AGAP2: variants seen among roughly 807,000 people sequenced by gnomAD.
The protein encoded by AGAP2 is arf-GAP with GTPase, ANK repeat and PH domain-containing protein 2.
Under a neutral mutation model 110.9 loss-of-function variants are expected in AGAP2, and 32 were observed. The ratio of observed to expected loss-of-function variants is 0.29; its 90% CI spans 0.22 to 0.39. The LOEUF is 0.39. Ranked by LOEUF, AGAP2 falls within the 10% of genes least tolerant of loss-of-function variation. AGAP2 has a pLI of 1.00. For synonymous variants in AGAP2, 702 were observed against 713.0 expected (o/e 0.98, Z 0.25); for missense variants, 1,285 against 1,638.5 (o/e 0.78, Z 3.72).
rs767185405 is a variant in AGAP2, at chr12:57,731,848, G to A, written c.1914C>T (p.Ser638=). Residue 638 remains serine, a synonymous_variant, in exon 8 of 19, where the codon TCC becomes TCT. Coordinates refer to ENST00000547588, the MANE Select transcript of AGAP2 (RefSeq NM_001122772.3). ...AAVAGLSTPG[S]LHRAAKRRTS... Reference sequence around the variant, plus strand: ...TCCTGCGCTTGGCTGCCCGGTGCAGGGACCCTGGGGTGCTCAATCCAGCCA... The same window carrying A: ...TCCTGCGCTTGGCTGCCCGGTGCAGAGACCCTGGGGTGCTCAATCCAGCCA... 16 of 1,599,350 alleles carry A rather than the reference G, an allele frequency of 1.0e-5. No homozygotes were observed. The highest frequency in any genetic ancestry group is 1.4e-5 in the Non-Finnish European group (16 of 1,173,346).
chr12:57,728,147 A>G (rs1433524582), intron 14 of AGAP2, 62 bp from the exon 15 acceptor site: 8 of 1,551,540 alleles, frequency 5.2e-6, no homozygotes, highest in Non-Finnish European at 7.0e-6. Context: ...TGCCTTTCCC[A>G]AGACCGTCCT....
intron 15 of AGAP2, 60 bp from the exon 16 acceptor site, chr12:57,727,831 C>T (rs1030317241): frequency 1.3e-6 from 2 of 1,582,530 alleles, no homozygotes; most frequent in African/African-American, 2.7e-5. Context: ...CCTTCTCAGA[C>T]ACCTCTGCTC....
chr12:57,738,381 T>TCGC lies in AGAP2; in HGVS notation c.-138_-136dup. 8.7e-7 allele frequency: 1 copy of TCGC among 1,150,324 alleles called. No homozygotes were observed. Among genetic ancestry groups the TCGC allele is most frequent in the Non-Finnish European group, 1.1e-6 (1 of 918,762 alleles). The allele number at this position is 1,150,324 out of a possible 1,614,324, so 71.3% of individuals were successfully genotyped here. Reference sequence around the variant, plus strand: ...CTGAGCCCCCGGCCCGGCTCCGCTGTCGCCGCCGCCTCCGCCGCCTCCGCT... The same window carrying TCGC: ...CTGAGCCCCCGGCCCGGCTCCGCTGTCGCCGCCGCCGCCTCCGCCGCCTCCGCT... On this transcript the variant is annotated 5_prime_UTR_variant, in exon 1 of 19. Transcript: ENST00000547588. This position sits in a 1 kb window ranked among gnomAD's most constrained non-coding sequence, Gnocchi z 6.7.
At position 57,727,049 on chromosome 12, in the gene AGAP2, C is replaced by T. The variant is rs1301918626; in HGVS notation, c.3261G>A (p.Glu1087=). The T allele has an allele frequency of 6.2e-7, 1 of 1,607,106 alleles. No individual in the cohort carries two copies. Among genetic ancestry groups the T allele is most frequent in the Non-Finnish European group, 8.5e-7 (1 of 1,177,592 alleles). Residue 1087 remains glutamate (E), a synonymous_variant, in exon 18 of 19, where the codon GAG becomes GAA. Transcript: ENST00000547588. ...ARHGPLDTSV[E]DPQLRSPLHL... ...GGAGTGGGGAGCGCAGCTGTGGGTCCTCTACGCTGGTGTCGAGCGGCCCGT... is the reference window on the plus strand; with the variant it reads ...GGAGTGGGGAGCGCAGCTGTGGGTCTTCTACGCTGGTGTCGAGCGGCCCGT...
chr12:57,728,233 G>A (rs1954811663), intron 14 of AGAP2, 85 bp downstream of exon 14: 1 of 1,538,190 alleles, frequency 6.5e-7, no homozygotes, highest in East Asian at 2.3e-5. Flanking sequence ...GCAGCAGGAA[G>A]CCCGAGCACA....
intron 5 of AGAP2, 94 bp downstream of exon 5, chr12:57,733,932 C>T (rs1595090224): frequency 2.1e-6 from 3 of 1,441,338 alleles, no homozygotes; most frequent in East Asian, 4.7e-5. Flanking sequence ...TGGCCATTTC[C>T]ACACCTTACC....
chr12:57,729,407 C>A (rs1954840691), intron 13 of AGAP2, among the ~76,000 whole-genome samples: 1 of 151,296 alleles, frequency 6.6e-6, no homozygotes, highest in Non-Finnish European at 1.5e-5. Context: ...GAGCTATAGA[C>A]ATGGACATCG....
intron 14 of AGAP2, 23 bp downstream of exon 14, chr12:57,728,295 C>T: frequency 6.2e-7 from 1 of 1,612,986 alleles, no homozygotes; most frequent in Non-Finnish European, 8.5e-7. Context: ...GCTGAGCGCC[C>T]CTCCCGGCTC....
chr12:57,741,907 C>T, upstream of AGAP2: 1 of 1,612,250 alleles, frequency 6.2e-7, no homozygotes, highest in Non-Finnish European at 8.5e-7. Context: ...TGACCTTTCT[C>T]TTACCTCGAA....
chr12:57,732,982 G>A lies in AGAP2; in HGVS notation c.1550-3C>T, dbSNP rs1954915222. 4 of 1,613,942 alleles carry A rather than the reference G, an allele frequency of 2.5e-6. No homozygotes were observed. The highest frequency in any genetic ancestry group is 1.3e-5 in the African/African-American group (1 of 75,070). On this transcript the variant is annotated splice_polypyrimidine_tract_variant and splice_region_variant and intron_variant, in intron 5 of 18. Transcript: ENST00000547588. ...AGGGGAGGAAGCACTGATCCTGTCT[G>A]AGGGGACAGGAAAGGGGCAGGATTG...
Position 57,725,475 on chromosome 12 carries a change from C to A in AGAP2, c.*1077G>T, listed in dbSNP as rs1200660003. 1 of 152,230 alleles carries A rather than the reference C, an allele frequency of 6.6e-6. No individual in the cohort carries two copies. The highest frequency in any genetic ancestry group is 6.5e-5 in the Admixed American group (1 of 15,282). The allele number at this position is 152,230 out of a possible 1,614,324, so 9.4% of individuals were successfully genotyped here. A position where few individuals can be genotyped will look rare whatever the true frequency, so the allele number is the denominator to read the frequency against. On this transcript the variant is annotated 3_prime_UTR_variant, in exon 19 of 19. Transcript: ENST00000547588. ...GGGGAAGGGGCAGGGGGCCTGGAAA[C>A]CCTCCCAGCCACCTCGAATCCTCTC...
Position 57,738,705 on chromosome 12 carries a change from G to T in AGAP2, c.-459C>A, listed in dbSNP as rs1955037877. 6.6e-6 allele frequency among the ~76,000 whole-genome samples: 1 copy of T among 151,220 alleles called. No individual in the cohort carries two copies. The highest frequency in any genetic ancestry group is 2.1e-4 in the South Asian group (1 of 4,796). On this transcript the variant is annotated 5_prime_UTR_variant, in exon 1 of 19. Transcript: ENST00000547588. The surrounding 1 kb of genome is among the most constrained non-coding windows in gnomAD (Gnocchi z 6.7). ...CTCAAGGGACAGGGGCCGCGGATGCGGTCGGAAAGAGGGTCTAGAGGAGGG... is the reference window on the plus strand; with the variant it reads ...CTCAAGGGACAGGGGCCGCGGATGCTGTCGGAAAGAGGGTCTAGAGGAGGG...
At chr12:57,742,119 G>A, upstream of AGAP2, 1 of 1,591,810 alleles carries the variant, frequency 6.3e-7, no homozygotes, top group South Asian at 1.1e-5. Context: ...CTGGCCCTGA[G>A]GCCCATGGCC....
In AGAP2 at chr12:57,727,097, G is replaced by A. The variant is rs1218984584; in HGVS notation, c.3213C>T (p.Leu1071=). The change falls in exon 18 of 19, where the codon CTC becomes CTT. Residue 1071 remains leucine (L), a synonymous_variant. Transcript: ENST00000547588. ...CGTGTCGCGCATGGGCCAAAAGCAG[G>A]AGAACGGTAGCCACGTCCTGGGCCT... ...AVQAQDVATV[L]LLLAHARHGP... 1.3e-6 allele frequency: 2 copies of A among 1,594,608 alleles called. No homozygotes were observed. The highest frequency in any genetic ancestry group is 1.1e-5 in the South Asian group (1 of 88,954).
At chr12:57,729,517 T>C in intron 13 of AGAP2, 122 bp downstream of exon 13, 1 of 1,372,502 alleles carries the variant, frequency 7.3e-7, no homozygotes, top group Non-Finnish European at 9.9e-7. Context: ...TTGTGTGCAG[T>C]GGTAATGGTA....
chr12:57,727,391 C>T lies in AGAP2; in HGVS notation c.3049G>A (p.Gly1017Ser). 6.2e-7 allele frequency: 1 copy of T among 1,612,682 alleles called. No individual in the cohort carries two copies. Among genetic ancestry groups the T allele is most frequent in the Non-Finnish European group, 8.5e-7 (1 of 1,179,604 alleles). ...ANRVWESDTR[G>S]RAKPSRDSSR... ...GAGTCCCGCGAGGGCTTGGCACGGC[C>T]TCGCGTGTCGCTTTCCCACACGCGG... is the stretch of plus-strand genomic sequence containing the variant. The change falls in exon 17 of 19, where the codon GGC (glycine) becomes AGC (serine). Residue 1017 changes from glycine (G) to serine (S), a missense_variant. Gly to Ser is a moderately conservative substitution (Grantham distance 56, BLOSUM62 0). Around this residue, in one of 7 missense-constraint regions of AGAP2, gnomAD observed 201 missense variants for 276.1 expected, o/e 0.73. Coordinates refer to ENST00000547588, the MANE Select transcript of AGAP2 (RefSeq NM_001122772.3).
rs1226026646 is a variant in AGAP2 at position 57,726,786 on chromosome 12, C to T, written c.3345G>A (p.Ala1115=). 2.8e-5 allele frequency: 39 copies of T among 1,394,930 alleles called. No homozygotes were observed. Among genetic ancestry groups the T allele is most frequent in the Non-Finnish European group, 3.5e-5 (38 of 1,080,204 alleles). 86.4% of individuals were successfully genotyped at this position (1,394,930 alleles called of 1,614,324 possible). A position where few individuals can be genotyped will look rare whatever the true frequency, so the allele number is the denominator to read the frequency against. ...VITQLLLWYG[A]DVAARDAQGR... ...CCTGGGCGTCACGGGCCGCCACGTCCGCGCCGTACTAGAGGGCGGAAACGG... is the reference window on the plus strand; with the variant it reads ...CCTGGGCGTCACGGGCCGCCACGTCTGCGCCGTACTAGAGGGCGGAAACGG... The change falls in exon 19 of 19, where the codon GCG becomes GCA. Residue 1115 remains alanine (A), a synonymous_variant. Coordinates refer to ENST00000547588, the MANE Select transcript of AGAP2 (RefSeq NM_001122772.3). The surrounding 1 kb of genome is among the most constrained non-coding windows in gnomAD (Gnocchi z 5.7).
Position 57,737,891 on chromosome 12 carries a change from G to T in AGAP2, c.356C>A (p.Pro119Gln). 6 of 1,412,196 alleles carry T rather than the reference G, an allele frequency of 4.2e-6. No individual in the cohort carries two copies. Among genetic ancestry groups the T allele is most frequent in the Non-Finnish European group, 5.5e-6 (6 of 1,096,600 alleles). 87.5% of individuals were successfully genotyped at this position (1,412,196 alleles called of 1,614,324 possible). A position where few individuals can be genotyped will look rare whatever the true frequency, so the allele number is the denominator to read the frequency against. Reference sequence around the variant, plus strand: ...CAGTCCCCCGGAGAGCGGGGGTCCCGGAGGGACGGCCCAGAGGGAGAGGCG... The same window carrying T: ...CAGTCCCCCGGAGAGCGGGGGTCCCTGAGGGACGGCCCAGAGGGAGAGGCG... ...GRRLSLWAVPPGPPLSGGLSP... is the reference protein window; with the variant it reads ...GRRLSLWAVPQGPPLSGGLSP... Residue 119 changes from proline (P) to glutamine (Q), a missense_variant, in exon 1 of 19, where the codon CCG (proline) becomes CAG (glutamine). Pro to Gln is a moderately conservative substitution (Grantham distance 76). This residue lies in a region of AGAP2 where 844 missense variants were observed against 941.2 expected (regional missense o/e 0.90). Transcript: ENST00000547588. This position sits in a 1 kb window ranked among gnomAD's most constrained non-coding sequence, Gnocchi z 5.9.
chr12:57,734,363 G>A lies in AGAP2; in HGVS notation c.1357C>T (p.His453Tyr). The A allele has an allele frequency of 6.2e-7, 1 of 1,614,190 alleles. No individual in the cohort carries two copies. ...KKEMLVDGQT[H>Y]LVLIREEAGA... The stretch of plus-strand genomic sequence containing the variant: ...GCTTCCTCTCGGATTAGCACCAGAT[G>A]TGTCTGTCCATCCACCAACATTTCT... The change falls in exon 4 of 19, where the codon CAT becomes TAT. Residue 453 changes from histidine (H) to tyrosine (Y), a missense_variant. His to Tyr is a moderately conservative substitution (Grantham distance 83). Coordinates refer to ENST00000547588, the MANE Select transcript of AGAP2 (RefSeq NM_001122772.3).
Sources: gnomAD v4.1 joint callset for allele counts (sites outside exome capture counted in the v4.1 genomes callset) on GRCh38, gnomAD v4.1.1 for gene constraint, gnomAD v4.1.1 regional missense constraint, Gnocchi (gnomAD v3.1) non-coding constraint, MANE v1.5 for transcripts, NCBI Gene and HGNC (gene_info 2026-07-23, HGNC 2026-07-21) for gene names.